Variants in MNAT1 observed in about 807,000 individuals in gnomAD.
The protein encoded by MNAT1 is MNAT1 component of CDK activating kinase.
In MNAT1, 43 loss-of-function variants were observed where a neutral mutation model predicts 42.0. The ratio of observed to expected loss-of-function variants is 1.02; its 90% CI spans 0.80 to 1.32. MNAT1 has a LOEUF of 1.32. Ranked by LOEUF, MNAT1 falls within the 40% of genes most tolerant of loss-of-function variation. The probability of loss-of-function intolerance (pLI) is 0.00; values close to 1 mark genes in which losing one functional copy is unlikely to be tolerated. For missense variants in MNAT1, 306 were observed against 350.4 expected (o/e 0.87, Z 1.01); for synonymous variants, 118 against 120.0 (o/e 0.98, Z 0.11).
At chr14:60,826,710 GT>G (rs2033067841) in intron 6 of MNAT1, among the ~76,000 whole-genome samples, 1 of 152,004 alleles carries the variant, frequency 6.6e-6, no homozygotes, top group Non-Finnish European at 1.5e-5. Flanking sequence ...TCTTGGCCAG[GT>G]GTTAGTTATT....
At chr14:60,757,939 A>G (rs2140297730) in intron 1 of MNAT1, among the ~76,000 whole-genome samples, 1 of 152,326 alleles carries the variant, frequency 6.6e-6, no homozygotes, top group Non-Finnish European at 1.5e-5. Flanking sequence ...GAAGATAGAC[A>G]AACAAAATGT....
At chr14:60,927,378 A>G (rs1036810854) in intron 7 of MNAT1, among the ~76,000 whole-genome samples, 5 of 152,216 alleles carry the variant, frequency 3.3e-5, no homozygotes, top group Admixed American at 2.0e-4. Context: ...AAATTTACAT[A>G]CCACAAAGGT....
At chr14:60,811,298 C>CTTTTTTT (rs569520885) in intron 4 of MNAT1, among the ~76,000 whole-genome samples, 8 of 80,232 alleles carry the variant, frequency 1.0e-4, no homozygotes, top group Non-Finnish European at 1.7e-4. Flanking sequence ...TCTATTCTTT[C>CTTTTTTT]TTTTTTTTTT....
At position 60,934,415 on chromosome 14, in the gene MNAT1, C is replaced by T. The variant is rs138952377; in HGVS notation, c.810-33814C>T. 3.5e-3 allele frequency among the ~76,000 whole-genome samples: 534 copies of T among 152,254 alleles called. 3 individuals carry two copies. The highest frequency in any genetic ancestry group is 6.1e-3 in the Non-Finnish European group (414 of 68,028). On this transcript the variant is annotated intron_variant, in intron 7 of 7. Coordinates refer to ENST00000261245, the MANE Select transcript of MNAT1 (RefSeq NM_002431.4). ...TGACCATGATATGGTTTGGCTGTGT[C>T]CGCACCCAAATCTTATCTCGAATTT...
At chr14:60,820,094 G>A (rs1467378467) in intron 6 of MNAT1, among the ~76,000 whole-genome samples, 2 of 152,016 alleles carry the variant, frequency 1.3e-5, no homozygotes, top group African/African-American at 2.4e-5. Flanking sequence ...ATCATTATAT[G>A]CCTGCATTTC....
At position 60,844,318 on chromosome 14, in the gene MNAT1, G is replaced by C. The variant is rs139950117; in HGVS notation, c.687+25471G>C. On this transcript the variant is annotated intron_variant, in intron 6 of 7. Transcript: ENST00000261245. ...TTGGATCTATAGATCAATGTGGGGA[G>C]AATTAAGATCTAAAATACTGAGTCT... Among the ~76,000 whole-genome samples the C allele has an allele frequency of 1.9e-3, 283 of 152,184 alleles. 1 individual carries two copies. The highest frequency in any genetic ancestry group is 6.4e-3 in the African/African-American group (265 of 41,532).
At chr14:60,743,539 T>C (rs1308874491) in intron 1 of MNAT1, among the ~76,000 whole-genome samples, 2 of 152,252 alleles carry the variant, frequency 1.3e-5, no homozygotes, top group Non-Finnish European at 2.9e-5. Context: ...TTCGCCTGCC[T>C]CAGCCTCTCA....
chr14:60,896,860 T>TAA (rs918336419), intron 7 of MNAT1, among the ~76,000 whole-genome samples: 1 of 148,026 alleles, frequency 6.8e-6, no homozygotes, highest in Non-Finnish European at 1.5e-5. Context: ...ATTATGGAAA[T>TAA]AAAAAAAAAA....
chr14:60,751,098 CT>C (rs879629156), intron 1 of MNAT1, among the ~76,000 whole-genome samples: 239 of 142,276 alleles, frequency 1.7e-3, no homozygotes, highest in Admixed American at 1.8e-3. Context: ...CCTCCACCTT[CT>C]TTTTTTTTTT....
chr14:60,799,713 T>C (rs1317795766), intron 3 of MNAT1, among the ~76,000 whole-genome samples: 1 of 151,532 alleles, frequency 6.6e-6, no homozygotes, highest in Non-Finnish European at 1.5e-5. Flanking sequence ...TATATATATA[T>C]ATACACACAC....
At chr14:60,755,181 T>A (rs12884883) in intron 1 of MNAT1, among the ~76,000 whole-genome samples, 143,797 of 151,786 alleles carry the variant, frequency 0.95, 68,383 homozygotes, top group Non-Finnish European at 0.99. Context: ...TTTTTTTTAG[T>A]TGCCCAGGCT....
chr14:60,876,888 A>G lies in MNAT1; in HGVS notation c.688-2826A>G, dbSNP rs544056457. Among the ~76,000 whole-genome samples the G allele has an allele frequency of 2.0e-5, 3 of 152,192 alleles. No individual in the cohort carries two copies. The South Asian group carries it at 6.2e-4, about 32-fold the overall frequency. ...GCTACTGAAAATAATGCTGCTGTAAATATGCATTGGTGTACAAATATTTCT... is the reference window on the plus strand; with the variant it reads ...GCTACTGAAAATAATGCTGCTGTAAGTATGCATTGGTGTACAAATATTTCT... On this transcript the variant is annotated intron_variant, in intron 6 of 7. Transcript: ENST00000261245.
intron 1 of MNAT1, among the ~76,000 whole-genome samples, chr14:60,778,888 G>A (rs1277764249): frequency 6.6e-6 from 1 of 152,172 alleles, no homozygotes; most frequent in Non-Finnish European, 1.5e-5. Flanking sequence ...CAACAACCAA[G>A]GGATGGAATA....
intron 7 of MNAT1, among the ~76,000 whole-genome samples, chr14:60,928,093 A>G (rs969441507): frequency 6.6e-5 from 10 of 152,096 alleles, no homozygotes; most frequent in Non-Finnish European, 1.3e-4. Context: ...AGACTTGCCT[A>G]TTCTAGACAT....
intron 7 of MNAT1, among the ~76,000 whole-genome samples, chr14:60,888,398 C>T (rs576584443): frequency 1.4e-4 from 21 of 152,140 alleles, no homozygotes; most frequent in South Asian, 4.1e-4. Flanking sequence ...AATTCAACAA[C>T]GCTTCATGCT....
At chr14:60,763,815 A>G (rs1300945141) in intron 1 of MNAT1, among the ~76,000 whole-genome samples, 1 of 152,204 alleles carries the variant, frequency 6.6e-6, no homozygotes, top group African/African-American at 2.4e-5. Context: ...TAACATTTTA[A>G]CATACCTTTT....
At chr14:60,939,100 G>T (rs1473517339) in intron 7 of MNAT1, among the ~76,000 whole-genome samples, 1 of 151,992 alleles carries the variant, frequency 6.6e-6, no homozygotes, top group African/African-American at 2.4e-5. Flanking sequence ...ATTTTTTATT[G>T]CATCTATTTG....
intron 6 of MNAT1, among the ~76,000 whole-genome samples, chr14:60,857,394 A>G (rs2033988142): frequency 6.6e-6 from 1 of 152,208 alleles, no homozygotes; most frequent in Non-Finnish European, 1.5e-5. Context: ...CTGATGGTGT[A>G]ACTGAATTGC....
At chr14:60,918,005 A>G (rs1204802836) in intron 7 of MNAT1, among the ~76,000 whole-genome samples, 1 of 151,946 alleles carries the variant, frequency 6.6e-6, no homozygotes, top group South Asian at 2.1e-4. Context: ...CAAATACATC[A>G]GCAGGTTTAA....
Sources: allele counts gnomAD v4.1 joint callset (sites outside exome capture counted in the v4.1 genomes callset), GRCh38; gene constraint gnomAD v4.1.1; transcripts MANE v1.5; gene names NCBI Gene and HGNC (gene_info 2026-07-23, HGNC 2026-07-21).